The following WNT11 variants were observed in gnomAD, a reference collection of about 807,000 sequenced individuals.
WNT11 encodes the protein Wnt family member 11.
In WNT11, 20 loss-of-function variants were observed where a neutral mutation model predicts 35.6. The ratio of observed to expected loss-of-function variants is 0.56; its 90% CI spans 0.40 to 0.82. The LOEUF (loss-of-function observed/expected upper bound fraction) is 0.82. WNT11 is among the 40% of genes least tolerant of loss of function. The pLI, the probability that WNT11 is intolerant of heterozygous loss-of-function variation, is 0.00. For synonymous variants in WNT11, 200 were observed against 211.9 expected, an observed-to-expected ratio of 0.94 and a Z score of 0.49; for missense variants, 459 against 504.4, an observed-to-expected ratio of 0.91 and a Z score of 0.86.
upstream of WNT11, among the ~76,000 whole-genome samples, chr11:76,207,535 G>C (rs1462024320): frequency 1.3e-5 from 2 of 152,118 alleles, no homozygotes; most frequent in Non-Finnish European, 2.9e-5. Flanking sequence ...TCAGGAAATG[G>C]GGCTTGCTCG....
intron 1 of WNT11, among the ~76,000 whole-genome samples, chr11:76,205,730 A>G (rs982153425): frequency 7.2e-5 from 11 of 152,102 alleles, no homozygotes; most frequent in African/African-American, 2.7e-4. Context: ...CCCCTGCGTG[A>G]ATAATTTCTA....
chr11:76,210,598 C>G, upstream of WNT11: 1 of 985,254 alleles, frequency 1.0e-6, no homozygotes, highest in Non-Finnish European at 1.2e-6. Flanking sequence ...GCGCCCTCTT[C>G]GTGAAGCGGC....
intron 1 of WNT11, among the ~76,000 whole-genome samples, chr11:76,201,074 C>T (rs572428164): frequency 6.6e-6 from 1 of 152,340 alleles, no homozygotes; most frequent in Non-Finnish European, 1.5e-5. Context: ...CTGGGGTGAG[C>T]CCTGGAGCTA....
intron 1 of WNT11, among the ~76,000 whole-genome samples, chr11:76,204,342 C>G (rs935215655): frequency 6.6e-6 from 1 of 152,212 alleles, no homozygotes; most frequent in African/African-American, 2.4e-5. Context: ...CCCAAGCTCT[C>G]GGAGCAGCGT....
At chr11:76,200,811 G>A (rs1231420661) in intron 1 of WNT11, among the ~76,000 whole-genome samples, 1 of 152,224 alleles carries the variant, frequency 6.6e-6, no homozygotes, top group Non-Finnish European at 1.5e-5. Flanking sequence ...TTTCAAATGA[G>A]AAGGACAACG....
intron 1 of WNT11, among the ~76,000 whole-genome samples, chr11:76,199,984 C>G (rs1953349713): frequency 6.6e-6 from 1 of 152,160 alleles, no homozygotes; most frequent in African/African-American, 2.4e-5. Flanking sequence ...CTCTCAGGGT[C>G]CTGCCAAGGC....
Position 76,194,764 on chromosome 11 carries a change from C to G in WNT11, c.400G>C (p.Asp134His), listed in dbSNP as rs746206720. 1.3e-6 allele frequency: 2 copies of G among 1,555,350 alleles called. No individual in the cohort carries two copies. Among genetic ancestry groups the G allele is most frequent in the Non-Finnish European group, 1.7e-6 (2 of 1,151,526 alleles). The change falls in exon 3 of 5, where the codon GAC (aspartate) becomes CAC (histidine). Residue 134 changes from aspartate to histidine, a missense_variant. Asp to His is a moderately conservative substitution (Grantham distance 81). Coordinates refer to ENST00000322563, the MANE Select transcript of WNT11 (RefSeq NM_004626.3). This position sits in a 1 kb window ranked among gnomAD's most constrained non-coding sequence, Gnocchi z 5.4. Reference protein sequence around the residue: ...HAIARACTSGDLPGCSCGPVP... With the variant: ...HAIARACTSGHLPGCSCGPVP... ...GGGCCGCAGGAGCAGCCGGGCAGGT[C>G]GCCGGAGGTGCAGGCCCGGGCGATG...
intron 4 of WNT11, among the ~76,000 whole-genome samples, chr11:76,189,388 G>T (rs1953145706): frequency 6.6e-6 from 1 of 152,206 alleles, no homozygotes; most frequent in Non-Finnish European, 1.5e-5. Context: ...CTGGCTCCCA[G>T]GGTACAGGGT....
At chr11:76,196,422 A>G in intron 2 of WNT11, 61 bp downstream of exon 2, 9 of 1,584,312 alleles carry the variant, frequency 5.7e-6, no homozygotes, top group Non-Finnish European at 7.8e-6. Context: ...ACACACACAG[A>G]TTGATGCCTG....
intron 1 of WNT11, among the ~76,000 whole-genome samples, chr11:76,205,794 C>T (rs1384117946): frequency 6.6e-6 from 1 of 152,206 alleles, no homozygotes; most frequent in Non-Finnish European, 1.5e-5. Flanking sequence ...CTTCTGAGGT[C>T]CTTTCAGGAG....
intron 1 of WNT11, among the ~76,000 whole-genome samples, chr11:76,197,171 A>T (rs1290852213): frequency 6.6e-6 from 1 of 152,242 alleles, no homozygotes; most frequent in African/African-American, 2.4e-5. Flanking sequence ...AATTATACAT[A>T]CTATTAACTG....
Position 76,204,881 on chromosome 11 carries a change from G to A in WNT11, c.83+1444C>T, listed in dbSNP as rs576418281. Among the ~76,000 whole-genome samples, 6 of 152,238 alleles carry A rather than the reference G, an allele frequency of 3.9e-5. No individual in the cohort carries two copies. The South Asian group carries it at 1.2e-3, about 32-fold the overall frequency. On this transcript the variant is annotated intron_variant, in intron 1 of 4. Transcript: ENST00000322563. ...AAATGACACCCAAGCCCACTGCAAGGCCTCTGACGCTCCTTCAGCCAATCC... is the reference window on the plus strand; with the variant it reads ...AAATGACACCCAAGCCCACTGCAAGACCTCTGACGCTCCTTCAGCCAATCC...
At chr11:76,195,394 C>T (rs531488435) in intron 2 of WNT11, among the ~76,000 whole-genome samples, 1 of 152,262 alleles carries the variant, frequency 6.6e-6, no homozygotes, top group South Asian at 2.1e-4. Flanking sequence ...CACAGACACA[C>T]AAAGAGGGAG....
upstream of WNT11, among the ~76,000 whole-genome samples, chr11:76,207,980 G>C (rs547635264): frequency 6.6e-6 from 1 of 152,362 alleles, no homozygotes; most frequent in South Asian, 2.1e-4. Context: ...TAAGGGTTTG[G>C]GGAGTTGGAA....
At chr11:76,200,840 C>G (rs371340719) in intron 1 of WNT11, among the ~76,000 whole-genome samples, 20 of 152,376 alleles carry the variant, frequency 1.3e-4, no homozygotes, top group African/African-American at 4.8e-4. Context: ...AGCACATCAG[C>G]GCATGGCCTA....
Position 76,196,725 on chromosome 11 carries a change from A to G in WNT11, c.84-7T>C. 6.3e-7 allele frequency: 1 copy of G among 1,591,980 alleles called. No individual in the cohort carries two copies. Among genetic ancestry groups the G allele is most frequent in the Non-Finnish European group, 8.6e-7 (1 of 1,168,222 alleles). ...TGGTGTCTTGGACAGCGCCCTGCAC[A>G]CCATGGAAAGGCCATGACCGATGGA... On this transcript the variant is annotated splice_polypyrimidine_tract_variant and splice_region_variant and intron_variant, in intron 1 of 4. Coordinates refer to ENST00000322563, the MANE Select transcript of WNT11 (RefSeq NM_004626.3).
chr11:76,208,514 G>T (rs1481414578), upstream of WNT11, among the ~76,000 whole-genome samples: 1 of 152,154 alleles, frequency 6.6e-6, no homozygotes, highest in Non-Finnish European at 1.5e-5. Context: ...AAAAATATCC[G>T]CTGGATATGG....
Position 76,191,762 on chromosome 11 carries a change from T to C in WNT11, c.692A>G (p.Gln231Arg). The change falls in exon 4 of 5, where the codon CAG (glutamine) becomes CGG (arginine). Residue 231 changes from glutamine to arginine, a missense_variant. By Grantham distance (43) the Gln-to-Arg change is conservative. Coordinates refer to ENST00000322563, the MANE Select transcript of WNT11 (RefSeq NM_004626.3). ...GGTCTTGAGGTCAGCAGCCACATCC[T>C]GCAGCTCCTGCAGCCCCTTCCAGCA... ...RTCWKGLQEL[Q>R]DVAADLKTRY... 6.2e-7 allele frequency: 1 copy of C among 1,613,296 alleles called. No homozygotes were observed. Among genetic ancestry groups the C allele is most frequent in the Non-Finnish European group, 8.5e-7 (1 of 1,180,024 alleles).
intron 1 of WNT11, among the ~76,000 whole-genome samples, chr11:76,204,709 G>A (rs1169109568): frequency 1.3e-5 from 2 of 152,082 alleles, no homozygotes; most frequent in Non-Finnish European, 2.9e-5. Context: ...TGGGGACAGA[G>A]GACATGGACG....
Sources: gnomAD v4.1 joint callset for allele counts (sites outside exome capture counted in the v4.1 genomes callset) on GRCh38, gnomAD v4.1.1 for gene constraint, Gnocchi (gnomAD v3.1) non-coding constraint, MANE v1.5 for transcripts, NCBI Gene and HGNC (gene_info 2026-07-23, HGNC 2026-07-21) for gene names.